The following SEL1L2 variants were observed in gnomAD, a reference collection of about 807,000 sequenced individuals.
SEL1L2 encodes protein sel-1 homolog 2.
In SEL1L2, 89 loss-of-function variants were observed where a neutral mutation model predicts 98.8. The observed-to-expected ratio is 0.90, with a 90% CI of 0.76 to 1.07. SEL1L2 has a LOEUF of 1.07. Ranked by LOEUF, SEL1L2 falls within the 50% of genes least tolerant of loss-of-function variation. The pLI is 0.00. For missense variants in SEL1L2, 788 were observed against 812.0 expected, an observed-to-expected ratio of 0.97 and a Z score of 0.36; for synonymous variants, 262 against 278.5, an observed-to-expected ratio of 0.94 and a Z score of 0.59.
At chr20:13,915,137 T>A in intron 4 of SEL1L2, 1 of 1,289,672 alleles carries the variant, frequency 7.8e-7, no homozygotes, top group Non-Finnish European at 1.0e-6. Context: ...GTACAGCCCA[T>A]CCATGCTGAG....
In SEL1L2 at chr20:13,886,278, T is replaced by C; in HGVS notation, c.900+10A>G. On this transcript the variant is annotated intron_variant, in intron 9 of 19. Coordinates refer to ENST00000284951, the MANE Select transcript of SEL1L2 (RefSeq NM_025229.2). ...TGTTCTAAAAACTCAATCTCATCTG[T>C]ATACATTACTTGTATCTGAACATCT... The C allele has an allele frequency of 6.3e-7, 1 of 1,593,406 alleles. No individual in the cohort carries two copies. The highest frequency in any genetic ancestry group is 8.6e-7 in the Non-Finnish European group (1 of 1,164,940).
At chr20:13,974,461 TTCTC>T (rs199767663) in intron 1 of SEL1L2, among the ~76,000 whole-genome samples, 12 of 134,298 alleles carry the variant, frequency 8.9e-5, no homozygotes, top group African/African-American at 2.2e-4. Context: ...TTTTTTCCTT[TTCTC>T]TCTCTCTCTC....
intron 17 of SEL1L2, among the ~76,000 whole-genome samples, chr20:13,860,592 C>T (rs1293666429): frequency 6.6e-6 from 1 of 152,140 alleles, no homozygotes; most frequent in Non-Finnish European, 1.5e-5. Flanking sequence ...GACTCCTCTG[C>T]CCACTTCCTA....
At chr20:13,988,875 G>A (rs530873972) in intron 1 of SEL1L2, among the ~76,000 whole-genome samples, 16 of 152,062 alleles carry the variant, frequency 1.1e-4, no homozygotes, top group Non-Finnish European at 2.1e-4. Flanking sequence ...TTAGCCAGGC[G>A]TGGTGGCAGA....
At chr20:13,970,996 T>C (rs1295275600) in intron 1 of SEL1L2, among the ~76,000 whole-genome samples, 1 of 151,854 alleles carries the variant, frequency 6.6e-6, no homozygotes, top group African/African-American at 2.4e-5. Flanking sequence ...GTGATAATAC[T>C]GGTGTCTCAC....
intron 12 of SEL1L2, among the ~76,000 whole-genome samples, chr20:13,872,400 AG>A (rs1414973488): frequency 6.6e-6 from 1 of 152,146 alleles, no homozygotes; most frequent in Non-Finnish European, 1.5e-5. Flanking sequence ...TGGCTTTATA[AG>A]GGGCTTTTCC....
intron 1 of SEL1L2, among the ~76,000 whole-genome samples, chr20:13,983,249 C>T (rs185365611): frequency 3.5e-4 from 53 of 151,872 alleles, no homozygotes; most frequent in African/African-American, 1.2e-3. Context: ...CCTAGGCGAA[C>T]GTAGAGTCAG....
intron 18 of SEL1L2, 95 bp downstream of exon 18, chr20:13,859,167 A>T: frequency 8.5e-7 from 1 of 1,170,480 alleles, no homozygotes; most frequent in Non-Finnish European, 1.3e-6. Flanking sequence ...TCCTTCCTCT[A>T]CATTGATGAC....
Position 13,990,461 on chromosome 20 carries a change from G to A in SEL1L2, c.58+16C>T, listed in dbSNP as rs1462692620. 1 of 1,583,018 alleles carries A rather than the reference G, an allele frequency of 6.3e-7. No individual in the cohort carries two copies. The highest frequency in any genetic ancestry group is 8.7e-7 in the Non-Finnish European group (1 of 1,152,294). On this transcript the variant is annotated intron_variant, in intron 1 of 19. Coordinates refer to ENST00000284951, the MANE Select transcript of SEL1L2 (RefSeq NM_025229.2). Reference sequence around the variant, plus strand: ...AAGAGACCCTCATAGAGAACTCTAAGGACAAAAAAACTTACTTTTAATTGT... The same window carrying A: ...AAGAGACCCTCATAGAGAACTCTAAAGACAAAAAAACTTACTTTTAATTGT...
chr20:13,888,048 C>G, intron 6 of SEL1L2, 47 bp from the exon 7 acceptor site: 1 of 1,549,118 alleles, frequency 6.5e-7, no homozygotes, highest in Non-Finnish European at 8.8e-7. Flanking sequence ...CCAGGTTGGC[C>G]ATTTAAATTT....
intron 1 of SEL1L2, among the ~76,000 whole-genome samples, chr20:13,964,866 C>T (rs1279124489): frequency 2.0e-5 from 3 of 152,108 alleles, no homozygotes; most frequent in Non-Finnish European, 2.9e-5. Context: ...GACATCTTCC[C>T]CCAGACATAT....
In SEL1L2 at chr20:13,931,669, T is replaced by C; in HGVS notation, c.217A>G (p.Asn73Asp). ...CCTTTTATTCTTATTTTACGTTGAT[T>C]CTTCTTTTTCTCCAGGAGATTTTCT... ...KRENLLEKKK[N>D]QRKIRIKGIQ... Residue 73 changes from asparagine to aspartate, a missense_variant, in exon 3 of 20, where the codon AAT (asparagine) becomes GAT (aspartate). Coordinates refer to ENST00000284951, the MANE Select transcript of SEL1L2 (RefSeq NM_025229.2). 6.5e-7 allele frequency: 1 copy of C among 1,537,998 alleles called. No homozygotes were observed. Among genetic ancestry groups the C allele is most frequent in the South Asian group, 1.2e-5 (1 of 83,722 alleles).
At chr20:13,858,092 T>A (rs1001474755) in intron 18 of SEL1L2, among the ~76,000 whole-genome samples, 5 of 152,112 alleles carry the variant, frequency 3.3e-5, no homozygotes, top group African/African-American at 1.2e-4. Flanking sequence ...GTGCCAGGGC[T>A]AATGAAAAAT....
Position 13,892,392 on chromosome 20 carries a change from GTGAGC to G in SEL1L2, c.550-3885_550-3881del, listed in dbSNP as rs534670848. ...TTGAACCTGAGAGGTGGAAGTTGCAGTGAGCTGAGATCACACCGTTGCACTCCAGC... is the reference window on the plus strand; with the variant it reads ...TTGAACCTGAGAGGTGGAAGTTGCAGTGAGATCACACCGTTGCACTCCAGC... On this transcript the variant is annotated intron_variant, in intron 5 of 19. Transcript: ENST00000284951. Among the ~76,000 whole-genome samples the G allele has an allele frequency of 2.3e-3, 342 of 151,900 alleles. 1 individual carries two copies. Among genetic ancestry groups the G allele is most frequent in the Non-Finnish European group, 4.0e-3 (273 of 68,004 alleles).
At chr20:13,865,921 G>A (rs1318455861) in intron 15 of SEL1L2, among the ~76,000 whole-genome samples, 1 of 152,098 alleles carries the variant, frequency 6.6e-6, no homozygotes, top group Non-Finnish European at 1.5e-5. Context: ...CACAGCTGAT[G>A]TGAAAAGGAG....
chr20:13,919,294 T>G (rs1053725211), intron 3 of SEL1L2, among the ~76,000 whole-genome samples, 171 bp from the exon 4 acceptor site: 1 of 152,176 alleles, frequency 6.6e-6, no homozygotes, highest in African/African-American at 2.4e-5. Context: ...GGAGCGTCGG[T>G]AGGTCAGAAG....
intron 10 of SEL1L2, among the ~76,000 whole-genome samples, chr20:13,878,813 A>G (rs1286574691): frequency 6.6e-6 from 1 of 152,222 alleles, no homozygotes; most frequent in Non-Finnish European, 1.5e-5. Context: ...ATAAACAGAA[A>G]CATGATTCCT....
At chr20:13,980,359 G>T (rs923764777) in intron 1 of SEL1L2, among the ~76,000 whole-genome samples, 1 of 152,154 alleles carries the variant, frequency 6.6e-6, no homozygotes, top group African/African-American at 2.4e-5. Flanking sequence ...GGGATTACAG[G>T]CATGTGCCTG....
At chr20:13,882,114 A>T (rs988044374) in intron 10 of SEL1L2, among the ~76,000 whole-genome samples, 1 of 152,318 alleles carries the variant, frequency 6.6e-6, no homozygotes, top group Non-Finnish European at 1.5e-5. Context: ...TGAGTCAATT[A>T]AAAAAGAAAA....
Sources: allele counts gnomAD v4.1 joint callset (sites outside exome capture counted in the v4.1 genomes callset), GRCh38; gene constraint gnomAD v4.1.1; transcripts MANE v1.5; gene names NCBI Gene and HGNC (gene_info 2026-07-23, HGNC 2026-07-21).